BCAS3: variants seen among roughly 807,000 people sequenced by gnomAD.
The protein encoded by BCAS3 is BCAS4/BCAS3 fusion.
A neutral mutation model predicts 116.1 loss-of-function variants in BCAS3; 53 were observed. That is an observed-to-expected ratio of 0.46 (90% CI 0.37 to 0.57). The LOEUF (loss-of-function observed/expected upper bound fraction) is 0.57, where lower values mean the gene tolerates loss of function less well. Among genes scored for constraint, BCAS3 ranks in the 20% least tolerant of loss-of-function variants. BCAS3 has a pLI of 0.00. For synonymous variants in BCAS3, 391 were observed against 408.2 expected (o/e 0.96, Z 0.51); for missense variants, 917 against 1,165.4 (o/e 0.79, Z 3.10).
At chr17:60,911,123 C>CTTTCTTTTTTT (rs1486274901) in intron 12 of BCAS3, among the ~76,000 whole-genome samples, 4 of 88,256 alleles carry the variant, frequency 4.5e-5, no homozygotes, top group African/African-American at 4.5e-5. Flanking sequence ...TTTTTTCTTT[C>CTTTCTTTTTTT]TTTTTTTTTT....
chr17:61,284,404 G>A (rs1056805679), intron 22 of BCAS3, among the ~76,000 whole-genome samples: 2 of 152,154 alleles, frequency 1.3e-5, no homozygotes, highest in South Asian at 4.1e-4. Context: ...AAGTCAGCGA[G>A]ACCACGAACC....
Position 61,077,171 on chromosome 17 carries a change from T to G in BCAS3, c.2131-1162T>G, listed in dbSNP as rs1446290624. ...AAAAAAATCATGTAATATATATATT[T>G]TCAGGTTTTTCCAAGTGTCTTCTAC... On this transcript the variant is annotated intron_variant, in intron 20 of 23. Coordinates refer to ENST00000407086, the MANE Select transcript of BCAS3 (RefSeq NM_017679.5). This position sits in a 1 kb window ranked among gnomAD's most constrained non-coding sequence, Gnocchi z 4.3. 6.6e-6 allele frequency among the ~76,000 whole-genome samples: 1 copy of G among 152,146 alleles called. No homozygotes were observed. Among genetic ancestry groups the G allele is most frequent in the Non-Finnish European group, 1.5e-5 (1 of 68,034 alleles).
intron 7 of BCAS3, among the ~76,000 whole-genome samples, chr17:60,828,188 T>C (rs1245353017): frequency 6.6e-6 from 1 of 152,238 alleles, no homozygotes; most frequent in East Asian, 1.9e-4. Context: ...GGAAAGAACA[T>C]CTGCATAGAT....
chr17:61,091,752 GA>G (rs1403997759), intron 22 of BCAS3, among the ~76,000 whole-genome samples: 1 of 152,182 alleles, frequency 6.6e-6, no homozygotes, highest in East Asian at 1.9e-4. Flanking sequence ...TCTTGTTCTG[GA>G]AGCTTGGTGT....
chr17:61,386,788 TG>T (rs1603221817), intron 23 of BCAS3, among the ~76,000 whole-genome samples: 2 of 126,150 alleles, frequency 1.6e-5, no homozygotes, highest in Non-Finnish European at 3.2e-5. Flanking sequence ...TTTTTGTTTT[TG>T]TTTTTTGTTT....
rs548654074 is a variant in BCAS3 at position 61,316,020 on chromosome 17, G to A, written c.2426-52307G>A. On this transcript the variant is annotated intron_variant, in intron 22 of 23. Coordinates refer to ENST00000407086, the MANE Select transcript of BCAS3 (RefSeq NM_017679.5). The surrounding 1 kb of genome is among the most constrained non-coding windows in gnomAD (Gnocchi z 5.8). ...AGGATAGTGACCATCTATAGCAGGT[G>A]CTGGCCAGGCGTGGTGGCTCACACC... Among the ~76,000 whole-genome samples the A allele has an allele frequency of 1.8e-3, 271 of 152,276 alleles. No homozygotes were observed. Among genetic ancestry groups the A allele is most frequent in the South Asian group, 1.0e-2 (48 of 4,818 alleles).
intron 22 of BCAS3, among the ~76,000 whole-genome samples, chr17:61,138,132 C>T (rs1278476822): frequency 1.3e-5 from 2 of 152,170 alleles, no homozygotes; most frequent in Admixed American, 1.3e-4. Flanking sequence ...CGTATCTGTG[C>T]TGTCCAATAT....
intron 22 of BCAS3, among the ~76,000 whole-genome samples, chr17:61,306,669 G>A (rs1344627332): frequency 2.6e-5 from 4 of 152,054 alleles, no homozygotes; most frequent in Non-Finnish European, 4.4e-5. Context: ...GATCCTACTC[G>A]GGAGGCTGAG....
At position 61,333,679 on chromosome 17, in the gene BCAS3, G is replaced by T. The variant is rs964336803; in HGVS notation, c.2426-34648G>T. Among the ~76,000 whole-genome samples, 13 of 150,062 alleles carry T rather than the reference G, an allele frequency of 8.7e-5. 1 individual carries two copies. Among genetic ancestry groups the T allele is most frequent in the Admixed American group, 8.0e-4 (12 of 15,044 alleles). ...TCTGTCGCCTAGGCTGGAGTGCAGT[G>T]GTGCGATCTCGGCTCACTGCAACCT... On this transcript the variant is annotated intron_variant, in intron 22 of 23. Coordinates refer to ENST00000407086, the MANE Select transcript of BCAS3 (RefSeq NM_017679.5). The surrounding 1 kb of genome is among the most constrained non-coding windows in gnomAD (Gnocchi z 4.8).
Position 61,391,752 on chromosome 17 carries a change from C to G in BCAS3, c.2594-225C>G. On this transcript the variant is annotated intron_variant, in intron 23 of 23. Coordinates refer to ENST00000407086, the MANE Select transcript of BCAS3 (RefSeq NM_017679.5). This position sits in a 1 kb window ranked among gnomAD's most constrained non-coding sequence, Gnocchi z 7.7. ...GGCTTCCCGCAGCAGGGAGACGGTG[C>G]TCTCACACCAGAGTCTGCCAGCCAG... The G allele has an allele frequency of 1.8e-6, 1 of 566,926 alleles. No individual in the cohort carries two copies. Among genetic ancestry groups the G allele is most frequent in the South Asian group, 2.1e-5 (1 of 46,690 alleles). The allele number at this position is 566,926 out of a possible 1,614,324, so 35.1% of individuals were successfully genotyped here. A position where few individuals can be genotyped will look rare whatever the true frequency, so the allele number is the denominator to read the frequency against.
chr17:60,677,998 G>A, intron 1 of BCAS3, 84 bp downstream of exon 1: 1 of 153,850 alleles, frequency 6.5e-6, no homozygotes, highest in South Asian at 2.0e-4. Context: ...GGTCGGGCTG[G>A]CAGGAATTCG....
At position 61,229,850 on chromosome 17, in the gene BCAS3, C is replaced by T. The variant is rs769340228; in HGVS notation, c.2426-138477C>T. Reference sequence around the variant, plus strand: ...GAATTATAAGATAGTGTTGGCTGGGCGCGATGGCTTACGCCTGTAATCCCA... The same window carrying T: ...GAATTATAAGATAGTGTTGGCTGGGTGCGATGGCTTACGCCTGTAATCCCA... On this transcript the variant is annotated intron_variant, in intron 22 of 23. Transcript: ENST00000407086. The surrounding 1 kb of genome is among the most constrained non-coding windows in gnomAD (Gnocchi z 4.4). 1.3e-5 allele frequency among the ~76,000 whole-genome samples: 2 copies of T among 152,206 alleles called. No homozygotes were observed. Among genetic ancestry groups the T allele is most frequent in the Non-Finnish European group, 2.9e-5 (2 of 68,042 alleles).
Position 61,243,214 on chromosome 17 carries a change from T to C in BCAS3, c.2426-125113T>C, listed in dbSNP as rs1367062847. Among the ~76,000 whole-genome samples the C allele has an allele frequency of 6.6e-6, 1 of 152,204 alleles. No homozygotes were observed. The highest frequency in any genetic ancestry group is 1.5e-5 in the Non-Finnish European group (1 of 68,016). On this transcript the variant is annotated intron_variant, in intron 22 of 23. Coordinates refer to ENST00000407086, the MANE Select transcript of BCAS3 (RefSeq NM_017679.5). This position sits in a 1 kb window ranked among gnomAD's most constrained non-coding sequence, Gnocchi z 5.6. ...CATGAGCCACTGCGCCCTACTGCTA[T>C]ACACATTTAATGTCTACACTGTGAT...
chr17:60,919,672 G>GT (rs549477425), intron 12 of BCAS3, among the ~76,000 whole-genome samples: 23,868 of 150,102 alleles, frequency 0.16, 2,043 homozygotes, highest in African/African-American at 0.23. Flanking sequence ...TTTTTCCTGT[G>GT]TGTTTTTTTT....
rs1214738255 is a variant in BCAS3 at position 60,967,554 on chromosome 17, A to C, written c.1221+20202A>C. Among the ~76,000 whole-genome samples, 1 of 152,150 alleles carries C rather than the reference A, an allele frequency of 6.6e-6. No individual in the cohort carries two copies. The highest frequency in any genetic ancestry group is 1.5e-5 in the Non-Finnish European group (1 of 68,038). ...TTGAGTGTTGTTCTCAGTCCTTCCT[A>C]TAACTGGATATTTATATCTTTCTTA... is the stretch of plus-strand genomic sequence containing the variant. On this transcript the variant is annotated intron_variant, in intron 14 of 23. Transcript: ENST00000407086. The surrounding 1 kb of genome is among the most constrained non-coding windows in gnomAD (Gnocchi z 4.7).
Position 61,181,806 on chromosome 17 carries a change from G to T in BCAS3, c.2425+97242G>T, listed in dbSNP as rs1156442549. Among the ~76,000 whole-genome samples the T allele has an allele frequency of 1.3e-5, 2 of 151,978 alleles. No homozygotes were observed. The highest frequency in any genetic ancestry group is 4.8e-5 in the African/African-American group (2 of 41,390). ...TTGAGTTGAAGTACATGATATGACA[G>T]CAGAGGTTGGAAACTTTTTAGTTGC... is the stretch of plus-strand genomic sequence containing the variant. On this transcript the variant is annotated intron_variant, in intron 22 of 23. Transcript: ENST00000407086. This position sits in a 1 kb window ranked among gnomAD's most constrained non-coding sequence, Gnocchi z 5.0.
chr17:61,240,453 C>T (rs1331815178), intron 22 of BCAS3, among the ~76,000 whole-genome samples: 1 of 152,128 alleles, frequency 6.6e-6, no homozygotes, highest in East Asian at 1.9e-4. Context: ...GAGTTTGAGA[C>T]CAGCCTGGCC....
intron 7 of BCAS3, chr17:60,811,004 C>T: frequency 1.5e-6 from 1 of 664,718 alleles, no homozygotes; most frequent in Non-Finnish European, 2.8e-6. Flanking sequence ...GAGAGCACCA[C>T]AGTGGTCACC....
Position 61,034,179 on chromosome 17 carries a change from C to T in BCAS3, c.1638-487C>T, listed in dbSNP as rs745608383. Among the ~76,000 whole-genome samples, 5 of 152,202 alleles carry T rather than the reference C, an allele frequency of 3.3e-5. No individual in the cohort carries two copies. Among genetic ancestry groups the T allele is most frequent in the African/African-American group, 1.2e-4 (5 of 41,444 alleles). On this transcript the variant is annotated intron_variant, in intron 16 of 23. Coordinates refer to ENST00000407086, the MANE Select transcript of BCAS3 (RefSeq NM_017679.5). The surrounding 1 kb of genome is among the most constrained non-coding windows in gnomAD (Gnocchi z 5.0). ...TTCAAGGCTTCATTCTATATCACCTCATTTTCATCCATGCTGTCTAAATTC... is the reference window on the plus strand; with the variant it reads ...TTCAAGGCTTCATTCTATATCACCTTATTTTCATCCATGCTGTCTAAATTC...
Sources: gnomAD v4.1 joint callset for allele counts (sites outside exome capture counted in the v4.1 genomes callset) on GRCh38, gnomAD v4.1.1 for gene constraint, Gnocchi (gnomAD v3.1) non-coding constraint, MANE v1.5 for transcripts, NCBI Gene and HGNC (gene_info 2026-07-23, HGNC 2026-07-21) for gene names.